PIK3R5: variants seen among roughly 807,000 people sequenced by gnomAD.
PIK3R5 encodes phosphoinositide 3-kinase regulatory subunit 5.
PIK3R5 carries 32 observed loss-of-function variants against 94.9 expected under a neutral mutation model. The ratio of observed to expected loss-of-function variants is 0.34; its 90% confidence interval spans 0.25 to 0.45. The LOEUF is 0.45. PIK3R5 is among the 20% of genes least tolerant of loss of function. The pLI, the probability that PIK3R5 is intolerant of heterozygous loss-of-function variation, is 1.00. For synonymous variants in PIK3R5, 443 were observed against 479.4 expected, an observed-to-expected ratio of 0.92 and a Z score of 0.99; for missense variants, 853 against 1,144.6, an observed-to-expected ratio of 0.75 and a Z score of 3.68.
Position 8,882,886 on chromosome 17 carries a change from T to C in PIK3R5, c.2206-1005A>G, listed in dbSNP as rs906095415. Among the ~76,000 whole-genome samples, 8 of 151,756 alleles carry C rather than the reference T, an allele frequency of 5.3e-5. No individual in the cohort carries two copies. The highest frequency in any genetic ancestry group is 1.0e-4 in the Non-Finnish European group (7 of 68,000). On this transcript the variant is annotated intron_variant, in intron 15 of 18. Transcript: ENST00000447110. This position sits in a 1 kb window ranked among gnomAD's most constrained non-coding sequence, Gnocchi z 4.1. ...TGCAGGCTGCTGCCCTAATTTCTCTTCTGGACCATGGCAACAGCCTCCTAA... is the reference window on the plus strand; with the variant it reads ...TGCAGGCTGCTGCCCTAATTTCTCTCCTGGACCATGGCAACAGCCTCCTAA...
In PIK3R5 at chr17:8,890,019, G is replaced by T. The variant is rs779599006; in HGVS notation, c.765C>A (p.Thr255=). 13 of 1,613,934 alleles carry T rather than the reference G, an allele frequency of 8.1e-6. No individual in the cohort carries two copies. Among genetic ancestry groups the T allele is most frequent in the Non-Finnish European group, 6.8e-6 (8 of 1,179,986 alleles). ...DAAEARRWLR[T]KLQAVGEKAG... ...CTTTTTCTCCCACCGCCTGCAGCTT[G>T]GTCCTGAGCCACCGCCGGGCCTCTG... Residue 255 remains threonine (T), a synonymous_variant, in exon 8 of 19, where the codon ACC becomes ACA. Coordinates refer to ENST00000447110, the MANE Select transcript of PIK3R5 (RefSeq NM_001142633.3). This position sits in a 1 kb window ranked among gnomAD's most constrained non-coding sequence, Gnocchi z 6.1.
intron 14 of PIK3R5, chr17:8,885,030 C>A: frequency 2.0e-6 from 1 of 501,960 alleles, no homozygotes; most frequent in Non-Finnish European, 3.6e-6. Context: ...CAGGGTCCTG[C>A]CTCTCCAGGG....
In PIK3R5 at chr17:8,907,263, C is replaced by A. The variant is rs2090417001; in HGVS notation, c.205-1526G>T. Among the ~76,000 whole-genome samples the A allele has an allele frequency of 1.3e-5, 2 of 151,956 alleles. 1 individual carries two copies. The highest frequency in any genetic ancestry group is 4.1e-4 in the South Asian group (2 of 4,828). ...GGCCAGGATGGTCTTGATCTCCAGA[C>A]CTCATGATCCGCCCGCCTTGGCTTC... On this transcript the variant is annotated intron_variant, in intron 3 of 18. Coordinates refer to ENST00000447110, the MANE Select transcript of PIK3R5 (RefSeq NM_001142633.3).
rs532341856 is a variant in PIK3R5 at position 8,879,682 on chromosome 17, G to A, written c.*957C>T. ...TCAGCCACGAACTGGGAAGGAGTGA[G>A]GAACATCCCAACGGCAATGAGAGTA... On this transcript the variant is annotated 3_prime_UTR_variant, in exon 19 of 19. Transcript: ENST00000447110. The surrounding 1 kb of genome is among the most constrained non-coding windows in gnomAD (Gnocchi z 4.4). 2.0e-5 allele frequency: 3 copies of A among 152,302 alleles called. No individual in the cohort carries two copies. The highest frequency in any genetic ancestry group is 6.5e-5 in the Admixed American group (1 of 15,292). 9.4% of individuals were successfully genotyped at this position (152,302 alleles called of 1,614,324 possible). A position where few individuals can be genotyped will look rare whatever the true frequency, so the allele number is the denominator to read the frequency against.
chr17:8,927,709 TG>T (rs1427434272), intron 1 of PIK3R5, among the ~76,000 whole-genome samples: 1 of 152,220 alleles, frequency 6.6e-6, no homozygotes, highest in Non-Finnish European at 1.5e-5. Context: ...TGTTTTTTTT[TG>T]GTCCCACCAA....
At chr17:8,906,101 C>T (rs1055333170) in intron 3 of PIK3R5, among the ~76,000 whole-genome samples, 1 of 152,156 alleles carries the variant, frequency 6.6e-6, no homozygotes, top group African/African-American at 2.4e-5. Flanking sequence ...AACCTGTCAT[C>T]TAGGTTTTAA....
Position 8,911,576 on chromosome 17 carries a change from A to G in PIK3R5, c.-13-69T>C. ...CCAGAGAGCACCTGGTCCAGTAAAG[A>G]CAACAGGTGCTCACAGTGCAGCGCG... is the stretch of plus-strand genomic sequence containing the variant. On this transcript the variant is annotated intron_variant, in intron 1 of 18. Transcript: ENST00000447110. This position sits in a 1 kb window ranked among gnomAD's most constrained non-coding sequence, Gnocchi z 5.3. 9.7e-7 allele frequency: 1 copy of G among 1,031,478 alleles called. No homozygotes were observed. Among genetic ancestry groups the G allele is most frequent in the Non-Finnish European group, 1.5e-6 (1 of 686,512 alleles). The allele number at this position is 1,031,478 out of a possible 1,614,324, so 63.9% of individuals were successfully genotyped here. A position where few individuals can be genotyped will look rare whatever the true frequency, so the allele number is the denominator to read the frequency against.
In PIK3R5 at chr17:8,890,258, A is replaced by C; in HGVS notation, c.658-132T>G. 1 of 906,780 alleles carries C rather than the reference A, an allele frequency of 1.1e-6. No individual in the cohort carries two copies. Among genetic ancestry groups the C allele is most frequent in the Non-Finnish European group, 1.7e-6 (1 of 596,174 alleles). The allele number at this position is 906,780 out of a possible 1,614,324, so 56.2% of individuals were successfully genotyped here. A position where few individuals can be genotyped will look rare whatever the true frequency, so the allele number is the denominator to read the frequency against. On this transcript the variant is annotated intron_variant, in intron 7 of 18. Transcript: ENST00000447110. The surrounding 1 kb of genome is among the most constrained non-coding windows in gnomAD (Gnocchi z 6.1). ...CAGCCTCATCACCCATCTCCTACCC[A>C]CAGCTGGCCAGGCAGCCAGGCCTCT...
chr17:8,906,366 C>T (rs972365808), intron 3 of PIK3R5, among the ~76,000 whole-genome samples: 3 of 152,220 alleles, frequency 2.0e-5, no homozygotes, highest in African/African-American at 7.2e-5. Context: ...TATACGGTCT[C>T]TAAGACCACC....
intron 3 of PIK3R5, among the ~76,000 whole-genome samples, chr17:8,908,161 T>G (rs1245487715): frequency 6.6e-6 from 1 of 152,156 alleles, no homozygotes. Context: ...TTGGAACTCA[T>G]GGGGGTTGGA....
intron 1 of PIK3R5, among the ~76,000 whole-genome samples, chr17:8,919,265 GTTAA>G (rs1461167396): frequency 6.6e-6 from 1 of 152,242 alleles, no homozygotes; most frequent in Admixed American, 6.5e-5. Context: ...TATGTAAGTT[GTTAA>G]TTAGAGGAAG....
intron 1 of PIK3R5, among the ~76,000 whole-genome samples, chr17:8,964,280 T>C (rs1215270307): frequency 6.6e-6 from 1 of 151,962 alleles, no homozygotes; most frequent in Non-Finnish European, 1.5e-5. Context: ...TAATCCCAGC[T>C]ACTTGGGAGG....
chr17:8,926,204 T>C (rs1321741959), intron 1 of PIK3R5, among the ~76,000 whole-genome samples: 2 of 152,112 alleles, frequency 1.3e-5, no homozygotes, highest in Non-Finnish European at 2.9e-5. Flanking sequence ...TCTGGTGACA[T>C]GGAGGGTTTG....
At position 8,903,918 on chromosome 17, in the gene PIK3R5, G is replaced by C. The variant is rs150552321; in HGVS notation, c.412+859C>G. Among the ~76,000 whole-genome samples the C allele has an allele frequency of 3.9e-5, 6 of 152,222 alleles. No homozygotes were observed. The East Asian group carries it at 1.2e-3, about 29-fold the overall frequency. On this transcript the variant is annotated intron_variant, in intron 5 of 18. Transcript: ENST00000447110. ...AAGTATTCTTTATTTTTGTCTTTTT[G>C]CATAGGCAAATACCTATAAGCCAAA...
Position 8,880,461 on chromosome 17 carries a change from TC to T in PIK3R5, c.*177del. 1 of 570,676 alleles carries T rather than the reference TC, an allele frequency of 1.8e-6. No homozygotes were observed. Among genetic ancestry groups the T allele is most frequent in the Non-Finnish European group, 2.9e-6 (1 of 339,944 alleles). 35.4% of individuals were successfully genotyped at this position (570,676 alleles called of 1,614,324 possible). ...CTTCTCTCTCTGATAGCTGTTGCTT[TC>T]CCAGAACCCTGAGGCCCCAGAAACC... On this transcript the variant is annotated 3_prime_UTR_variant, in exon 19 of 19. Coordinates refer to ENST00000447110, the MANE Select transcript of PIK3R5 (RefSeq NM_001142633.3).
rs149990944 is a variant in PIK3R5, at chr17:8,941,590, C to T, written c.-14+24006G>A. Among the ~76,000 whole-genome samples the T allele has an allele frequency of 9.4e-3, 1,432 of 152,362 alleles. 27 individuals carry two copies. Among genetic ancestry groups the T allele is most frequent in the African/African-American group, 0.031 (1,269 of 41,586 alleles). On this transcript the variant is annotated intron_variant, in intron 1 of 18. Transcript: ENST00000447110. The stretch of plus-strand genomic sequence containing the variant: ...TTTCCAAGAAAAGCAAGCTGTGCTG[C>T]GCTTGCCCCCAGGCACAGCCGCAGA...
At chr17:8,900,029 T>C (rs966975302) in intron 5 of PIK3R5, among the ~76,000 whole-genome samples, 4 of 151,408 alleles carry the variant, frequency 2.6e-5, no homozygotes, top group Non-Finnish European at 4.4e-5. Flanking sequence ...CAGAGCGAGA[T>C]TCCATCTTAA....
chr17:8,887,056 C>T (rs774473945), intron 12 of PIK3R5, 40 bp downstream of exon 12: 2 of 1,610,590 alleles, frequency 1.2e-6, no homozygotes, highest in Non-Finnish European at 1.7e-6. Flanking sequence ...TGGGTGACTG[C>T]AGCCAGTGGA....
intron 1 of PIK3R5, among the ~76,000 whole-genome samples, chr17:8,923,194 G>T (rs1212300701): frequency 2.6e-5 from 4 of 152,128 alleles, no homozygotes; most frequent in African/African-American, 9.7e-5. Flanking sequence ...AGCTCCTGTT[G>T]GCTAAAAGAC....
Sources: gnomAD v4.1 joint callset for allele counts (sites outside exome capture counted in the v4.1 genomes callset) on GRCh38, gnomAD v4.1.1 for gene constraint, Gnocchi (gnomAD v3.1) non-coding constraint, MANE v1.5 for transcripts, NCBI Gene and HGNC (gene_info 2026-07-23, HGNC 2026-07-21) for gene names.